ADAM7: variants seen among roughly 807,000 people sequenced by gnomAD.
The protein encoded by ADAM7 is disintegrin and metalloproteinase domain-containing protein 7.
Under a neutral mutation model 102.9 loss-of-function variants are expected in ADAM7, and 97 were observed. The observed-to-expected ratio is 0.94, with a 90% CI of 0.80 to 1.12. The LOEUF is 1.12. Ranked by LOEUF, ADAM7 falls within the 50% of genes most tolerant of loss-of-function variation. The pLI, the probability that ADAM7 is intolerant of heterozygous loss-of-function variation, is 0.00. For missense variants in ADAM7, 991 were observed against 908.7 expected (o/e 1.09, Z -1.16); for synonymous variants, 334 against 304.4 (o/e 1.10, Z -1.01).
At chr8:24,454,995 C>T (rs979309528) in intron 3 of ADAM7, among the ~76,000 whole-genome samples, 30 of 151,988 alleles carry the variant, frequency 2.0e-4, no homozygotes, top group African/African-American at 6.0e-4. Context: ...TTTGTATGTG[C>T]GTATGAGTCA....
chr8:24,492,923 C>A, intron 15 of ADAM7, 120 bp from the exon 16 acceptor site: 1 of 1,031,690 alleles, frequency 9.7e-7, no homozygotes, highest in Non-Finnish European at 1.4e-6. Flanking sequence ...CCATTACAGC[C>A]TCCTTAACTT....
intron 3 of ADAM7, 40 bp downstream of exon 3, chr8:24,447,302 T>C: frequency 8.2e-7 from 1 of 1,213,076 alleles, no homozygotes; most frequent in South Asian, 2.1e-5. Flanking sequence ...TAGATTTTAG[T>C]AATTATGGTA....
At chr8:24,453,269 C>T (rs1305261158) in intron 3 of ADAM7, among the ~76,000 whole-genome samples, 2 of 152,148 alleles carry the variant, frequency 1.3e-5, no homozygotes, top group Admixed American at 1.3e-4. Context: ...TCCATTCTCC[C>T]CATCAGTTTC....
intron 10 of ADAM7, 58 bp downstream of exon 10, chr8:24,485,419 C>T (rs1820108204): frequency 6.7e-7 from 1 of 1,501,724 alleles, no homozygotes; most frequent in African/African-American, 1.4e-5. Flanking sequence ...GTTGTAATGT[C>T]CTGGGTTCCA....
intron 16 of ADAM7, among the ~76,000 whole-genome samples, chr8:24,494,506 G>C (rs1012560183): frequency 3.3e-5 from 5 of 152,122 alleles, no homozygotes; most frequent in Admixed American, 2.0e-4. Context: ...GAAAGGGGCT[G>C]TTAGAAAGGC....
At chr8:24,501,612 AT>A (rs3071035) in intron 20 of ADAM7, 36 bp downstream of exon 20, 48,578 of 1,246,930 alleles carry the variant, frequency 0.039, 4 homozygotes, top group East Asian at 0.066. Flanking sequence ...TAATTTATTG[AT>A]TTTTTTTTTT....
intron 7 of ADAM7, among the ~76,000 whole-genome samples, chr8:24,471,850 T>A (rs1299255347): frequency 6.6e-6 from 1 of 151,950 alleles, no homozygotes; most frequent in Non-Finnish European, 1.5e-5. Context: ...AACAATTACA[T>A]CTGCCTGTTA....
intron 20 of ADAM7, among the ~76,000 whole-genome samples, chr8:24,505,765 A>G (rs1373414132): frequency 6.6e-6 from 1 of 152,094 alleles, no homozygotes; most frequent in Non-Finnish European, 1.5e-5. Flanking sequence ...GGGAAACTTA[A>G]TTTAGGAATT....
In ADAM7 at chr8:24,493,154, C is replaced by G; in HGVS notation, c.1767C>G (p.Cys589Trp). 9 of 1,613,256 alleles carry G rather than the reference C, an allele frequency of 5.6e-6. No homozygotes were observed. The highest frequency in any genetic ancestry group is 1.1e-5 in the South Asian group (1 of 90,954). Residue 589 changes from cysteine (C) to tryptophan (W), a missense_variant, in exon 16 of 22, where the codon TGC (cysteine) becomes TGG (tryptophan). Coordinates refer to ENST00000175238, the MANE Select transcript of ADAM7 (RefSeq NM_003817.4). ...CCCAGAAGAATGCTACTGTCAAATG[C>G]AAAACTATTTTTTTATACCATGATT... ...KDPQKNATVK[C>W]KTIFLYHDST...
chr8:24,442,348 A>C, intron 1 of ADAM7, 125 bp from the exon 2 acceptor site: 1 of 735,544 alleles, frequency 1.4e-6, no homozygotes, highest in Non-Finnish European at 2.5e-6. Context: ...ATAACATTTC[A>C]TAGTGTTGCT....
chr8:24,502,011 C>T (rs1471067391), intron 20 of ADAM7, among the ~76,000 whole-genome samples: 4 of 143,044 alleles, frequency 2.8e-5, no homozygotes, highest in Non-Finnish European at 6.2e-5. Context: ...TGGGAAACTC[C>T]CTCTCCACTA....
At chr8:24,445,611 G>C (rs1321788878) in intron 2 of ADAM7, among the ~76,000 whole-genome samples, 1 of 152,054 alleles carries the variant, frequency 6.6e-6, no homozygotes, top group Non-Finnish European at 1.5e-5. Flanking sequence ...GCCTTAAATG[G>C]TTTTCCTGGC....
chr8:24,497,457 G>A (rs1292065078), intron 16 of ADAM7, among the ~76,000 whole-genome samples: 2 of 152,088 alleles, frequency 1.3e-5, no homozygotes, highest in African/African-American at 4.8e-5. Flanking sequence ...TGGTTTATAT[G>A]TAATGTGGCC....
chr8:24,490,707 A>G (rs1820314125), intron 12 of ADAM7, 92 bp from the exon 13 acceptor site: 2 of 1,280,668 alleles, frequency 1.6e-6, no homozygotes, highest in African/African-American at 1.5e-5. Flanking sequence ...ATTTAACTCT[A>G]TCAGAATCCA....
chr8:24,493,119 CT>C lies in ADAM7; in HGVS notation c.1734del (p.Lys579ArgfsTer44), dbSNP rs1820425451. 6.2e-7 allele frequency: 1 copy of C among 1,613,140 alleles called. No individual in the cohort carries two copies. The highest frequency in any genetic ancestry group is 8.5e-7 in the Non-Finnish European group (1 of 1,179,552). On this transcript the variant is annotated frameshift_variant, in exon 16 of 22. Coordinates refer to ENST00000175238, the MANE Select transcript of ADAM7 (RefSeq NM_003817.4). LOFTEE classifies it high-confidence loss of function. Reference sequence around the variant, plus strand: ...CCTTGGAGAAGACAAGACTTATCACCTTAAGGATCCCCAGAAGAATGCTACT... The same window carrying C: ...CCTTGGAGAAGACAAGACTTATCACCTAAGGATCCCCAGAAGAATGCTACT... The part of the protein sequence containing the change: ...SLLGEDKTYH[L>X]KDPQKNATVK...
At chr8:24,475,745 T>C (rs1819747462) in intron 7 of ADAM7, among the ~76,000 whole-genome samples, 1 of 152,176 alleles carries the variant, frequency 6.6e-6, no homozygotes, top group African/African-American at 2.4e-5. Flanking sequence ...GAAAGAAGTT[T>C]GACCATTTGC....
chr8:24,485,347 A>G lies in ADAM7; in HGVS notation c.946A>G (p.Thr316Ala), dbSNP rs757414622. The change falls in exon 10 of 22, where the codon ACC becomes GCC. Residue 316 changes from threonine (T) to alanine (A), a missense_variant. Transcript: ENST00000175238. ...GGGTATGTGCCTGCCCTATTATTCC[A>G]CCAGTATCATTAAGGTGGGCTGTGT... ...PGGMCLPYYS[T>A]SIIKDLLPDT... 6.2e-7 allele frequency: 1 copy of G among 1,613,378 alleles called. No homozygotes were observed. The highest frequency in any genetic ancestry group is 1.1e-5 in the South Asian group (1 of 90,996).
chr8:24,482,152 C>G lies in ADAM7; in HGVS notation c.716C>G (p.Thr239Ser). 6.3e-7 allele frequency: 1 copy of G among 1,581,798 alleles called. No homozygotes were observed. The highest frequency in any genetic ancestry group is 1.2e-5 in the South Asian group (1 of 84,528). The change falls in exon 9 of 22, where the codon ACC becomes AGC. Residue 239 changes from threonine to serine, a missense_variant. By Grantham distance (58) the Thr-to-Ser change is moderately conservative. Coordinates refer to ENST00000175238, the MANE Select transcript of ADAM7 (RefSeq NM_003817.4). ...TTCTTCTTTGAACAGATTTATAAAA[C>G]CTTAAACATCCATGTGACGTTGGTT... ...MVNFVNMIYK[T>S]LNIHVTLVGI... is the part of the protein sequence containing the mutation.
At position 24,500,222 on chromosome 8, in the gene ADAM7, A is replaced by G. The variant is rs1381825311; in HGVS notation, c.1968A>G (p.Ala656=). The G allele has an allele frequency of 6.2e-7, 1 of 1,611,694 alleles. No individual in the cohort carries two copies. Among genetic ancestry groups the G allele is most frequent in the African/African-American group, 1.3e-5 (1 of 74,926 alleles). The change falls in exon 18 of 22, where the codon GCA becomes GCG. Residue 656 remains alanine (A), a synonymous_variant. Coordinates refer to ENST00000175238, the MANE Select transcript of ADAM7 (RefSeq NM_003817.4). Reference sequence around the variant, plus strand: ...AGTGCCACTGTGAGGAAGGACAGGCACCTGTAGCCTGTGAAGAAACCTTAC... The same window carrying G: ...AGTGCCACTGTGAGGAAGGACAGGCGCCTGTAGCCTGTGAAGAAACCTTAC... The part of the protein sequence containing the change: ...GLQCHCEEGQ[A]PVACEETLHV...
Sources: allele counts gnomAD v4.1 joint callset (sites outside exome capture counted in the v4.1 genomes callset), GRCh38; gene constraint gnomAD v4.1.1; transcripts MANE v1.5; gene names NCBI Gene and HGNC (gene_info 2026-07-23, HGNC 2026-07-21).